EYA4: variants seen among roughly 807,000 people sequenced by gnomAD.
EYA4 encodes EYA transcriptional coactivator and phosphatase 4.
In EYA4, 31 loss-of-function variants were observed where a neutral mutation model predicts 87.9. That is an observed-to-expected ratio of 0.35 (90% CI 0.27 to 0.48). EYA4 has a LOEUF of 0.48. Among genes scored for constraint, EYA4 ranks in the 20% least tolerant of loss-of-function variants. The probability of loss-of-function intolerance (pLI) is 0.99; values close to 1 mark genes in which losing one functional copy is unlikely to be tolerated. For synonymous variants in EYA4, 263 were observed against 270.6 expected (o/e 0.97, Z 0.28); for missense variants, 678 against 761.4 (o/e 0.89, Z 1.29).
chr6:133,414,298 G>A (rs760024940), intron 3 of EYA4, among the ~76,000 whole-genome samples: 18 of 151,234 alleles, frequency 1.2e-4, no homozygotes, highest in Non-Finnish European at 2.2e-4. Flanking sequence ...TTTAGATTTC[G>A]AAAAAAAAGG....
At chr6:133,526,835 A>T (rs919536153) in intron 19 of EYA4, among the ~76,000 whole-genome samples, 10 of 152,226 alleles carry the variant, frequency 6.6e-5, no homozygotes, top group Admixed American at 6.5e-5. Context: ...AGAGCAGCCA[A>T]TGATTAGTAA....
chr6:133,448,812 T>G (rs1793115478), intron 5 of EYA4, among the ~76,000 whole-genome samples: 1 of 152,186 alleles, frequency 6.6e-6, no homozygotes, highest in African/African-American at 2.4e-5. Context: ...AATCAAATTC[T>G]AATATCCTAA....
chr6:133,423,379 A>G (rs1183682752), intron 3 of EYA4, among the ~76,000 whole-genome samples: 1 of 152,228 alleles, frequency 6.6e-6, no homozygotes, highest in Non-Finnish European at 1.5e-5. Flanking sequence ...ATTTCTTTCC[A>G]AATTGGCTGT....
chr6:133,341,420 A>G (rs1782769310), intron 2 of EYA4, among the ~76,000 whole-genome samples: 2 of 152,230 alleles, frequency 1.3e-5, no homozygotes, highest in South Asian at 2.1e-4. Context: ...GGAATAAAGC[A>G]TGAACAAAAC....
At chr6:133,411,314 C>G (rs964517939) in intron 3 of EYA4, among the ~76,000 whole-genome samples, 4 of 151,930 alleles carry the variant, frequency 2.6e-5, no homozygotes, top group Non-Finnish European at 4.4e-5. Context: ...TTTTATGGAG[C>G]GGGACCCAAT....
intron 2 of EYA4, among the ~76,000 whole-genome samples, chr6:133,371,868 A>G (rs1009071512): frequency 9.2e-5 from 14 of 152,172 alleles, no homozygotes; most frequent in Admixed American, 7.9e-4. Context: ...GCTCCCAGAA[A>G]GCCATTTTAA....
At chr6:133,320,467 C>A (rs1414624901) in intron 2 of EYA4, among the ~76,000 whole-genome samples, 2 of 138,744 alleles carry the variant, frequency 1.4e-5, no homozygotes, top group Admixed American at 1.4e-4. Context: ...TTAATTAAAT[C>A]TATATTTTAC....
At chr6:133,494,664 C>G (rs889058360) in intron 13 of EYA4, among the ~76,000 whole-genome samples, 6 of 141,786 alleles carry the variant, frequency 4.2e-5, no homozygotes, top group South Asian at 2.3e-4. Context: ...ATAGTGAGAC[C>G]CTGCCTCTAC....
chr6:133,352,431 A>G (rs1783710019), intron 2 of EYA4, among the ~76,000 whole-genome samples: 1 of 152,156 alleles, frequency 6.6e-6, no homozygotes, highest in Non-Finnish European at 1.5e-5. Flanking sequence ...AAACAATATA[A>G]TACTTAATAT....
chr6:133,488,466 C>T (rs1796863682), intron 13 of EYA4, among the ~76,000 whole-genome samples: 1 of 152,150 alleles, frequency 6.6e-6, no homozygotes, highest in Non-Finnish European at 1.5e-5. Context: ...GTGCTGGCTA[C>T]AGGTCTGATC....
chr6:133,369,992 A>G (rs993337199), intron 2 of EYA4, among the ~76,000 whole-genome samples: 1 of 152,200 alleles, frequency 6.6e-6, no homozygotes, highest in Non-Finnish European at 1.5e-5. Context: ...GTGGAAAGCC[A>G]TTGGTCGGAA....
At position 133,506,135 on chromosome 6, in the gene EYA4, C is replaced by T. The variant is rs772393197; in HGVS notation, c.1221C>T (p.Leu407=). 5.6e-6 allele frequency: 9 copies of T among 1,611,762 alleles called. No individual in the cohort carries two copies. The East Asian group carries it at 1.3e-4, about 24-fold the overall frequency. ...CCCCCATGGCTGTAACCCTTGGACT[C>T]CGCATGGAAGAAATGATTTTTAATC... is the stretch of plus-strand genomic sequence containing the variant. ...KDPPMAVTLG[L]RMEEMIFNLA... Residue 407 remains leucine, a synonymous_variant, in exon 14 of 20, where the codon CTC becomes CTT. Coordinates refer to ENST00000355286, the MANE Select transcript of EYA4 (RefSeq NM_004100.5).
intron 3 of EYA4, among the ~76,000 whole-genome samples, chr6:133,388,171 C>T (rs760413357): frequency 2.0e-5 from 3 of 152,070 alleles, no homozygotes; most frequent in Non-Finnish European, 4.4e-5. Flanking sequence ...CTTTGGGAGG[C>T]TGAGGCGGGT....
In EYA4 at chr6:133,481,558, C is replaced by T. The variant is rs776882781; in HGVS notation, c.1066C>T (p.Arg356Trp). The T allele has an allele frequency of 5.0e-6, 8 of 1,613,888 alleles. No homozygotes were observed. In the Admixed American group the frequency reaches 5.0e-5, roughly 10 times the overall value. ...TGGGTCAAAGTCCAGAGGAAGAGGC[C>T]GGAAAAATAATCCCTCCCCGCCTCC... ...SSGSKSRGRG[R>W]KNNPSPPPDS... is the part of the protein sequence containing the mutation. Residue 356 changes from arginine to tryptophan, a missense_variant, in exon 12 of 20, where the codon CGG becomes TGG. Coordinates refer to ENST00000355286, the MANE Select transcript of EYA4 (RefSeq NM_004100.5).
intron 1 of EYA4, among the ~76,000 whole-genome samples, chr6:133,265,962 G>T (rs929870661): frequency 6.6e-6 from 1 of 152,154 alleles, no homozygotes; most frequent in Non-Finnish European, 1.5e-5. Flanking sequence ...CTGACAATCA[G>T]TATCTTTAAT....
At chr6:133,391,068 G>T (rs938773660) in intron 3 of EYA4, among the ~76,000 whole-genome samples, 2 of 152,176 alleles carry the variant, frequency 1.3e-5, no homozygotes, top group Non-Finnish European at 2.9e-5. Flanking sequence ...TAGTAGATGA[G>T]ATTAGAAAGT....
chr6:133,429,014 C>T (rs1327592928), intron 3 of EYA4, among the ~76,000 whole-genome samples: 2 of 140,932 alleles, frequency 1.4e-5, no homozygotes, highest in South Asian at 2.4e-4. Context: ...GCAACCTCTA[C>T]CTCCCAGGTT....
intron 9 of EYA4, 59 bp downstream of exon 9, chr6:133,462,823 T>G: frequency 6.7e-7 from 1 of 1,485,072 alleles, no homozygotes; most frequent in South Asian, 1.1e-5. Context: ...TGAGACTCAT[T>G]GGCTTCAGAC....
intron 3 of EYA4, among the ~76,000 whole-genome samples, chr6:133,399,995 A>C (rs1369630508): frequency 6.6e-6 from 1 of 152,218 alleles, no homozygotes; most frequent in Non-Finnish European, 1.5e-5. Flanking sequence ...CATACTATTT[A>C]TAGGGTTCCT....
Sources: gnomAD v4.1 joint callset for allele counts (sites outside exome capture counted in the v4.1 genomes callset) on GRCh38, gnomAD v4.1.1 for gene constraint, MANE v1.5 for transcripts, NCBI Gene and HGNC (gene_info 2026-07-23, HGNC 2026-07-21) for gene names.